TSPAN31: variants seen among roughly 807,000 people sequenced by gnomAD.
TSPAN31 encodes the protein tetraspanin 31.
TSPAN31 carries 16 observed loss-of-function variants against 24.8 expected under a neutral mutation model. The observed-to-expected ratio is 0.64, with a 90% CI of 0.44 to 0.98. The LOEUF (loss-of-function observed/expected upper bound fraction) is 0.98, where lower values mean the gene tolerates loss of function less well. TSPAN31 is among the 50% of genes least tolerant of loss of function. TSPAN31 has a pLI of 0.00. For missense variants in TSPAN31, 209 were observed against 251.6 expected, an observed-to-expected ratio of 0.83 and a Z score of 1.15; for synonymous variants, 87 against 91.4, an observed-to-expected ratio of 0.95 and a Z score of 0.27.
At chr12:57,745,663 C>A in intron 1 of TSPAN31, 82 bp from the exon 2 acceptor site, 2 of 1,549,352 alleles carry the variant, frequency 1.3e-6, no homozygotes, top group South Asian at 1.1e-5. Context: ...TTCCCCCTGC[C>A]CCGCTCCCAA....
chr12:57,746,770 T>C (rs752135999), intron 4 of TSPAN31, 50 bp downstream of exon 4: 1 of 1,611,422 alleles, frequency 6.2e-7, no homozygotes, highest in Admixed American at 1.7e-5. Flanking sequence ...GGAAACTGGG[T>C]AAGGACAATG....
Position 57,749,411 on chromosome 12 carries a change from G to T in TSPAN31, c.*2121G>T, listed in dbSNP as rs771755893. 2 of 1,613,058 alleles carry T rather than the reference G, an allele frequency of 1.2e-6. No individual in the cohort carries two copies. Among genetic ancestry groups the T allele is most frequent in the Non-Finnish European group, 1.7e-6 (2 of 1,179,000 alleles). On this transcript the variant is annotated 3_prime_UTR_variant, in exon 6 of 6. Coordinates refer to ENST00000257910, the MANE Select transcript of TSPAN31 (RefSeq NM_005981.5). The stretch of plus-strand genomic sequence containing the variant: ...GCCATCCTGGGTTCAGCAGAAAGAG[G>T]ACTCAGAATAGAAAATCTTTTTCTC...
At chr12:57,746,932 TAA>T in intron 4 of TSPAN31, 84 bp from the exon 5 acceptor site, 1 of 1,410,936 alleles carries the variant, frequency 7.1e-7, no homozygotes, top group Non-Finnish European at 9.9e-7. Flanking sequence ...CAGATAACAG[TAA>T]AGTTTCTAGG....
chr12:57,746,955 A>C, intron 4 of TSPAN31, 63 bp from the exon 5 acceptor site: 1 of 1,463,160 alleles, frequency 6.8e-7, no homozygotes, highest in Non-Finnish European at 9.6e-7. Flanking sequence ...GACATTCGGC[A>C]TAGGTATTAG....
chr12:57,748,609 C>T lies in TSPAN31; in HGVS notation c.*1319C>T, dbSNP rs766092188. 1 of 1,613,136 alleles carries T rather than the reference C, an allele frequency of 6.2e-7. No homozygotes were observed. Among genetic ancestry groups the T allele is most frequent in the South Asian group, 1.1e-5 (1 of 91,036 alleles). On this transcript the variant is annotated 3_prime_UTR_variant, in exon 6 of 6. Coordinates refer to ENST00000257910, the MANE Select transcript of TSPAN31 (RefSeq NM_005981.5). ...AGATTCGCTTGTGTGGGTTAAAAGT[C>T]AGCATTTCCTGAGGGGAGAGGCAAA...
In TSPAN31 at chr12:57,749,312, A is replaced by G. The variant is rs760435132; in HGVS notation, c.*2022A>G. On this transcript the variant is annotated 3_prime_UTR_variant, in exon 6 of 6. Transcript: ENST00000257910. ...CCAGTCATCCTCTGGAGGCAGCCCA[A>G]TCAGGCTGTGGGGGACAGGAGAACT... The G allele has an allele frequency of 2.4e-5, 39 of 1,614,074 alleles. No homozygotes were observed. In the Middle Eastern group the frequency reaches 4.9e-4, roughly 20 times the overall value.
chr12:57,746,897 G>T, intron 4 of TSPAN31, 121 bp from the exon 5 acceptor site: 1 of 1,347,328 alleles, frequency 7.4e-7, no homozygotes. Flanking sequence ...TAGCCAAGTA[G>T]GATTTTAGTT....
At position 57,747,059 on chromosome 12, in the gene TSPAN31, A is replaced by T; in HGVS notation, c.486A>T (p.Glu162Asp). The T allele has an allele frequency of 6.2e-7, 1 of 1,614,250 alleles. No individual in the cohort carries two copies. The highest frequency in any genetic ancestry group is 8.5e-7 in the Non-Finnish European group (1 of 1,180,040). The change falls in exon 5 of 6, where the codon GAA becomes GAT. Residue 162 changes from glutamate (E) to aspartate (D), a missense_variant. By Grantham distance (45) the Glu-to-Asp change is conservative. Coordinates refer to ENST00000257910, the MANE Select transcript of TSPAN31 (RefSeq NM_005981.5). Reference sequence around the variant, plus strand: ...GCCCCACATGCCAGATGTGTGGAGAAAAGTTTCTTAAGCATTCAGACGAAG... The same window carrying T: ...GCCCCACATGCCAGATGTGTGGAGATAAGTTTCTTAAGCATTCAGACGAAG... ...SQSPTCQMCG[E>D]KFLKHSDEAL...
Position 57,749,591 on chromosome 12 carries a change from T to C in TSPAN31, c.*2301T>C. On this transcript the variant is annotated 3_prime_UTR_variant, in exon 6 of 6. Coordinates refer to ENST00000257910, the MANE Select transcript of TSPAN31 (RefSeq NM_005981.5). Reference sequence around the variant, plus strand: ...CTGCTTAGTGGCTCAAAATAGGAAGTATAGGGAATAAAGGCCAACAATTCC... The same window carrying C: ...CTGCTTAGTGGCTCAAAATAGGAAGCATAGGGAATAAAGGCCAACAATTCC... 1 of 1,313,600 alleles carries C rather than the reference T, an allele frequency of 7.6e-7. No homozygotes were observed. The highest frequency in any genetic ancestry group is 1.1e-6 in the Non-Finnish European group (1 of 915,498). The allele number at this position is 1,313,600 out of a possible 1,614,324, so 81.4% of individuals were successfully genotyped here. A position where few individuals can be genotyped will look rare whatever the true frequency, so the allele number is the denominator to read the frequency against.
rs1256736718 is a variant in TSPAN31 at position 57,745,205 on chromosome 12, C to T, written c.51C>T (p.Asn17=). 6.2e-7 allele frequency: 1 copy of T among 1,609,666 alleles called. No individual in the cohort carries two copies. Among genetic ancestry groups the T allele is most frequent in the South Asian group, 1.1e-5 (1 of 90,046 alleles). Residue 17 remains asparagine, a synonymous_variant, in exon 1 of 6, where the codon AAC becomes AAT. Coordinates refer to ENST00000257910, the MANE Select transcript of TSPAN31 (RefSeq NM_005981.5). ...CCAAGAATGCGCTTTGCGCTCTCAA[C>T]GTGGTCTACATGGTGAGGTTTTGGA... ...ACSKNALCAL[N]VVYMLVSLLL...
chr12:57,747,391 GA>G lies in TSPAN31; in HGVS notation c.*104del. 1 of 1,043,966 alleles carries G rather than the reference GA, an allele frequency of 9.6e-7. No individual in the cohort carries two copies. Among genetic ancestry groups the G allele is most frequent in the South Asian group, 1.5e-5 (1 of 67,458 alleles). 64.7% of individuals were successfully genotyped at this position (1,043,966 alleles called of 1,614,324 possible). A position where few individuals can be genotyped will look rare whatever the true frequency, so the allele number is the denominator to read the frequency against. Reference sequence around the variant, plus strand: ...GTAACCGTTTTGGTTTGAGAAAAAGGAAAGGCCCCTTGTCACATCCTCTAAA... The same window carrying G: ...GTAACCGTTTTGGTTTGAGAAAAAGGAAGGCCCCTTGTCACATCCTCTAAA... On this transcript the variant is annotated 3_prime_UTR_variant, in exon 6 of 6. Transcript: ENST00000257910.
At chr12:57,746,523 A>G (rs533006101) in intron 3 of TSPAN31, 66 bp from the exon 4 acceptor site, 1 of 1,600,116 alleles carries the variant, frequency 6.2e-7, no homozygotes, top group Non-Finnish European at 8.6e-7. Flanking sequence ...GGCTAGGGAA[A>G]TTGAGGCACT....
rs112275916 is a variant in TSPAN31 at position 57,748,034 on chromosome 12, G to C, written c.*744G>C. On this transcript the variant is annotated 3_prime_UTR_variant, in exon 6 of 6. Coordinates refer to ENST00000257910, the MANE Select transcript of TSPAN31 (RefSeq NM_005981.5). ...TGGGATTATAGGCGTGAGCCACCAC[G>C]CCCCGCCTAAAATCCATATTCAAAG... 1 of 249,132 alleles carries C rather than the reference G, an allele frequency of 4.0e-6. No homozygotes were observed. The highest frequency in any genetic ancestry group is 7.9e-6 in the Non-Finnish European group (1 of 127,008). The allele number at this position is 249,132 out of a possible 1,614,324, so 15.4% of individuals were successfully genotyped here.
chr12:57,748,056 AAAG>A lies in TSPAN31; in HGVS notation c.*770_*772del. On this transcript the variant is annotated 3_prime_UTR_variant, in exon 6 of 6. Coordinates refer to ENST00000257910, the MANE Select transcript of TSPAN31 (RefSeq NM_005981.5). ...CACGCCCCGCCTAAAATCCATATTC[AAAG>A]AAGCAATTTCAGTTCCTTTCTAAGC... The A allele has an allele frequency of 3.8e-6, 1 of 259,756 alleles. No individual in the cohort carries two copies. The allele number at this position is 259,756 out of a possible 1,614,324, so 16.1% of individuals were successfully genotyped here. A position where few individuals can be genotyped will look rare whatever the true frequency, so the allele number is the denominator to read the frequency against.
chr12:57,746,902 T>G (rs994043597), intron 4 of TSPAN31, 116 bp from the exon 5 acceptor site: 12 of 1,351,478 alleles, frequency 8.9e-6, no homozygotes, highest in Non-Finnish European at 1.1e-5. Context: ...AAGTAGGATT[T>G]TAGTTTGTAG....
Position 57,748,304 on chromosome 12 carries a change from A to T in TSPAN31, c.*1014A>T, listed in dbSNP as rs890445351. ...CCCAAATATAAAGGTAGGGAAAGGGACAAGAGGGAACATACCCCTTAGTGT... is the reference window on the plus strand; with the variant it reads ...CCCAAATATAAAGGTAGGGAAAGGGTCAAGAGGGAACATACCCCTTAGTGT... On this transcript the variant is annotated 3_prime_UTR_variant, in exon 6 of 6. Transcript: ENST00000257910. The T allele has an allele frequency of 1.8e-5, 10 of 553,054 alleles. No individual in the cohort carries two copies. The African/African-American group carries it at 1.9e-4, about 10-fold the overall frequency. The allele number at this position is 553,054 out of a possible 1,614,324, so 34.3% of individuals were successfully genotyped here.
chr12:57,745,452 C>A, intron 1 of TSPAN31: 1 of 606,598 alleles, frequency 1.6e-6, no homozygotes, highest in Non-Finnish European at 2.9e-6. Flanking sequence ...AAGTTCCATA[C>A]CTCCTTCCTG....
At chr12:57,745,605 C>G in intron 1 of TSPAN31, 140 bp from the exon 2 acceptor site, 2 of 1,063,492 alleles carry the variant, frequency 1.9e-6, no homozygotes, top group Non-Finnish European at 2.7e-6. Flanking sequence ...GCTCCCGGTG[C>G]GGATAGCACC....
intron 3 of TSPAN31, 52 bp from the exon 4 acceptor site, chr12:57,746,537 A>G: frequency 1.2e-6 from 2 of 1,610,954 alleles, no homozygotes; most frequent in Non-Finnish European, 1.7e-6. Flanking sequence ...AGGCACTTGA[A>G]CTGATAACAG....
Sources: allele counts gnomAD v4.1 joint callset, GRCh38; gene constraint gnomAD v4.1.1; transcripts MANE v1.5; gene names NCBI Gene and HGNC (gene_info 2026-07-23, HGNC 2026-07-21).